SLC71A2: variants seen among roughly 807,000 people sequenced by gnomAD.
SLC71A2 encodes the protein hippocampus abundant transcript-like 1.
chr9:94,455,175 TTTTTTTGA>T, the SLC71A2 span, among the ~76,000 whole-genome samples: 590 of 102,370 alleles, frequency 5.8e-3, 9 homozygotes, highest in African/African-American at 0.027. Flanking sequence ...TTTTTTTTTT[TTTTTTTGA>T]GAGAGAGAGG....
At chr9:94,384,301 A>G in the SLC71A2 span, among the ~76,000 whole-genome samples, 2 of 150,380 alleles carry the variant, frequency 1.3e-5, no homozygotes, top group African/African-American at 4.9e-5. Context: ...TAATGTCCTC[A>G]AGGTTTGTCC....
chr9:94,402,401 G>T, the SLC71A2 span, among the ~76,000 whole-genome samples: 7 of 151,810 alleles, frequency 4.6e-5, no homozygotes, highest in Non-Finnish European at 7.4e-5. Flanking sequence ...ATACAGTTTG[G>T]TTTTTTTAAT....
the SLC71A2 span, among the ~76,000 whole-genome samples, chr9:94,417,271 C>T: frequency 1.3e-5 from 2 of 152,070 alleles, no homozygotes; most frequent in African/African-American, 2.4e-5. Flanking sequence ...GTATTAGATA[C>T]ATTTCATTAT....
the SLC71A2 span, among the ~76,000 whole-genome samples, chr9:94,407,721 G>A: frequency 6.6e-6 from 1 of 151,888 alleles, no homozygotes; most frequent in African/African-American, 2.4e-5. Context: ...TTTAGAGTAT[G>A]GCAGTACTCC....
chr9:94,400,481 G>A, the SLC71A2 span, among the ~76,000 whole-genome samples: 2 of 145,028 alleles, frequency 1.4e-5, no homozygotes, highest in African/African-American at 5.1e-5. Context: ...TCATTTATGC[G>A]CAACTTTTTT....
chr9:94,434,933 T>C, the SLC71A2 span, among the ~76,000 whole-genome samples: 4 of 152,180 alleles, frequency 2.6e-5, no homozygotes, highest in Non-Finnish European at 5.9e-5. Context: ...ACATACTGTT[T>C]CTCTGTATAT....
At chr9:94,458,102 A>AT in the SLC71A2 span, among the ~76,000 whole-genome samples, 1 of 152,180 alleles carries the variant, frequency 6.6e-6, no homozygotes, top group African/African-American at 2.4e-5. Context: ...TTTGGATTGT[A>AT]TATGTTTTTA....
the SLC71A2 span, among the ~76,000 whole-genome samples, chr9:94,390,707 A>G: frequency 6.6e-6 from 1 of 152,192 alleles, no homozygotes; most frequent in Non-Finnish European, 1.5e-5. Flanking sequence ...TGAAATATGT[A>G]ATACTTTGTT....
At chr9:94,395,894 G>A in the SLC71A2 span, among the ~76,000 whole-genome samples, 1 of 151,966 alleles carries the variant, frequency 6.6e-6, no homozygotes, top group African/African-American at 2.4e-5. Flanking sequence ...GTTAGCAAGC[G>A]ATCCTCCTCA....
chr9:94,439,022 G>GTTTTTTTTTTTTTTTTTTTT, the SLC71A2 span, among the ~76,000 whole-genome samples: 1 of 115,688 alleles, frequency 8.6e-6, no homozygotes, highest in African/African-American at 3.3e-5. Flanking sequence ...ATTTGAGTTC[G>GTTTTTTTTTTTTTTTTTTTT]TTTTTTTTTT....
chr9:94,447,364 G>C, the SLC71A2 span, among the ~76,000 whole-genome samples: 8 of 151,922 alleles, frequency 5.3e-5, no homozygotes, highest in Non-Finnish European at 8.8e-5. Flanking sequence ...ATTTTTAGTA[G>C]AGACAGGGTT....
the SLC71A2 span, among the ~76,000 whole-genome samples, chr9:94,418,827 C>T: frequency 6.7e-6 from 1 of 149,294 alleles, no homozygotes; most frequent in Non-Finnish European, 1.5e-5. Context: ...CTCCTGGGCT[C>T]AGGCAGTCCT....
the SLC71A2 span, among the ~76,000 whole-genome samples, chr9:94,384,775 A>G: frequency 6.6e-6 from 1 of 152,134 alleles, no homozygotes; most frequent in Non-Finnish European, 1.5e-5. Context: ...TTGCCATTGT[A>G]ATAGTATTAA....
At chr9:94,434,323 T>C in the SLC71A2 span, among the ~76,000 whole-genome samples, 3 of 152,324 alleles carry the variant, frequency 2.0e-5, no homozygotes, top group East Asian at 5.8e-4. Flanking sequence ...GACTTGTCTT[T>C]TTTATTTTTT....
At chr9:94,459,144 T>C in the SLC71A2 span, 1 of 1,609,088 alleles carries the variant, frequency 6.2e-7, no homozygotes, top group Admixed American at 1.7e-5. Context: ...TCTCCACTTG[T>C]TTTCCACGTT....
the SLC71A2 span, among the ~76,000 whole-genome samples, chr9:94,405,123 G>C: frequency 2.6e-5 from 4 of 152,080 alleles, no homozygotes; most frequent in Non-Finnish European, 5.9e-5. Flanking sequence ...AAATGGCCTT[G>C]GTACCCTTGT....
the SLC71A2 span, among the ~76,000 whole-genome samples, chr9:94,381,251 G>A: frequency 6.7e-5 from 10 of 149,806 alleles, no homozygotes; most frequent in Admixed American, 2.7e-4. Flanking sequence ...GGTCAGGCTG[G>A]TCTCAAACTC....
the SLC71A2 span, among the ~76,000 whole-genome samples, chr9:94,450,279 T>C: frequency 6.6e-6 from 1 of 152,184 alleles, no homozygotes; most frequent in African/African-American, 2.4e-5. Context: ...AAATCTACAT[T>C]TTCCGGTTCC....
chr9:94,399,602 T>C, the SLC71A2 span, among the ~76,000 whole-genome samples: 2 of 152,152 alleles, frequency 1.3e-5, no homozygotes, highest in African/African-American at 4.8e-5. Flanking sequence ...AAACCTGGCT[T>C]CCACCATCTG....
Sources: gnomAD v4.1 joint callset for allele counts (sites outside exome capture counted in the v4.1 genomes callset) on GRCh38, gnomAD v4.1.1 for gene constraint, MANE v1.5 for transcripts, NCBI Gene and HGNC (gene_info 2026-07-23, HGNC 2026-07-21) for gene names.